Variants in SYP observed in about 807,000 individuals in gnomAD.
The protein encoded by SYP is major synaptic vesicle protein P38.
SYP carries 2 observed loss-of-function variants against 24.3 expected under a neutral mutation model. That is an observed-to-expected ratio of 0.08 (90% CI 0.03 to 0.26). SYP has a LOEUF of 0.26. Ranked by LOEUF, SYP falls within the 10% of genes least tolerant of loss-of-function variation. The probability of loss-of-function intolerance (pLI) is 1.00; values close to 1 mark genes in which losing one functional copy is unlikely to be tolerated. For synonymous variants in SYP, 143 were observed against 123.2 expected (o/e 1.16, Z -1.07); for missense variants, 216 against 266.3 (o/e 0.81, Z 1.32).
intron 3 of SYP, chrX:49,197,269 CA>C (rs2065531941): frequency 7.7e-6 from 1 of 130,544 alleles, no homozygotes; most frequent in Non-Finnish European, 1.5e-5. Flanking sequence ...AGGCGTGAGC[CA>C]CTGTGCCTGG....
At chrX:49,189,943 G>C (rs1435259823) in intron 6 of SYP, among the ~76,000 whole-genome samples, 1 of 111,586 alleles carries the variant, frequency 9.0e-6, no homozygotes, top group Non-Finnish European at 1.9e-5. Context: ...GTCTGGGAGA[G>C]ATGACAGTGG....
Position 49,193,336 on chromosome X carries a change from C to T in SYP, c.551G>A (p.Arg184His), listed in dbSNP as rs150959416. ...ENIIKEMPVC[R>H]QTGNTCKELR... ...CTCCTTGCATGTGTTCCCTGTCTGG[C>T]GGCAGACAGGCATCTCCTTGATAAT... is the stretch of plus-strand genomic sequence containing the variant. The change falls in exon 5 of 7, where the codon CGC becomes CAC. Residue 184 changes from arginine (R) to histidine (H), a missense_variant. Transcript: ENST00000263233. 1.9e-5 allele frequency: 23 copies of T among 1,210,904 alleles called. No individual in the cohort carries two copies. The highest frequency in any genetic ancestry group is 4.4e-5 in the Admixed American group (2 of 45,961).
chrX:49,199,243 G>A (rs2065540750), intron 1 of SYP: 1 of 446,542 alleles, frequency 2.2e-6, no homozygotes, highest in African/African-American at 2.5e-5. Context: ...GATGGCAGAG[G>A]AAGTCGGGGG....
chrX:49,199,893 G>C (rs1276240587), intron 1 of SYP, among the ~76,000 whole-genome samples: 1 of 110,473 alleles, frequency 9.1e-6, no homozygotes, highest in Non-Finnish European at 1.9e-5. Context: ...CTCCCCTCGC[G>C]GTCGCCAGTA....
At chrX:49,198,883 C>G in intron 2 of SYP, 85 bp downstream of exon 2, 1 of 1,065,915 alleles carries the variant, frequency 9.4e-7, no homozygotes, top group Non-Finnish European at 1.3e-6. Context: ...CCTGGCTACT[C>G]GCCCCTACTC....
intron 5 of SYP, among the ~76,000 whole-genome samples, chrX:49,192,107 ATTAAAT>A (rs1167818455): frequency 2.6e-5 from 3 of 113,216 alleles, no homozygotes; most frequent in African/African-American, 9.6e-5. Context: ...ATACAAACTT[ATTAAAT>A]ATAGCTATAC....
chrX:49,198,232 G>C (rs1263482751), intron 2 of SYP: 1 of 211,007 alleles, frequency 4.7e-6, no homozygotes, highest in African/African-American at 3.0e-5. Context: ...CTGATCTGTC[G>C]ATGTCTCTTT....
chrX:49,197,043 C>T (rs1251562596), intron 3 of SYP: 1 of 107,467 alleles, frequency 9.3e-6, no homozygotes, highest in Non-Finnish European at 1.9e-5. Context: ...TCTTGTTGCC[C>T]AGGCTGGAGT....
Position 49,191,676 on chromosome X carries a change from C to T in SYP, c.703G>A (p.Ala235Thr), listed in dbSNP as rs782484176. The T allele has an allele frequency of 8.3e-7, 1 of 1,205,793 alleles. No individual in the cohort carries two copies. The highest frequency in any genetic ancestry group is 1.1e-6 in the Non-Finnish European group (1 of 892,618). The change falls in exon 6 of 7, where the codon GCG (alanine) becomes ACG (threonine). Residue 235 changes from alanine (A) to threonine (T), a missense_variant. Physicochemically the swap from Ala to Thr is moderately conservative, Grantham distance 58. This residue lies in a region of SYP where 114 missense variants were observed against 107.9 expected (regional missense o/e 1.06). Coordinates refer to ENST00000263233, the MANE Select transcript of SYP (RefSeq NM_003179.3). ...TGTTTCTCGGGGGCGCCGGGAGGCGCGCGCAGGAACGGGGCGGCCCAGCCT... is the reference window on the plus strand; with the variant it reads ...TGTTTCTCGGGGGCGCCGGGAGGCGTGCGCAGGAACGGGGCGGCCCAGCCT... ...ETGWAAPFLR[A>T]PPGAPEKQPA...
Position 49,197,959 on chromosome X carries a change from C to T in SYP, c.103-120G>A. 6.1e-6 allele frequency: 6 copies of T among 979,611 alleles called. 1 individual carries two copies. The South Asian group carries it at 1.2e-4, about 20-fold the overall frequency. The allele number at this position is 979,611 out of a possible 1,213,427, so 80.7% of individuals were successfully genotyped here. A position where few individuals can be genotyped will look rare whatever the true frequency, so the allele number is the denominator to read the frequency against. ...AGCAGCAGATGGAGCAGTCCCCACC[C>T]CCACCCCCTAATCAGGGCTCATCGG... On this transcript the variant is annotated intron_variant, in intron 2 of 6. Transcript: ENST00000263233.
Position 49,191,416 on chromosome X carries a change from G to A in SYP, c.*4+17C>T. ...TCCTTGTACCCTCCTTGGCCGCACC[G>A]CTCGCCGGTCACTCACCAGACTACA... On this transcript the variant is annotated intron_variant, in intron 6 of 6. Coordinates refer to ENST00000263233, the MANE Select transcript of SYP (RefSeq NM_003179.3). 5 of 1,207,022 alleles carry A rather than the reference G, an allele frequency of 4.1e-6. No homozygotes were observed. The highest frequency in any genetic ancestry group is 2.2e-5 in the Admixed American group (1 of 45,756).
At chrX:49,191,858 C>T in intron 5 of SYP, 95 bp from the exon 6 acceptor site, 2 of 982,736 alleles carry the variant, frequency 2.0e-6, no homozygotes, top group African/African-American at 1.9e-5. Context: ...TCCGTAGGCT[C>T]CGCAAGGTGG....
Position 49,197,849 on chromosome X carries a change from C to T in SYP, c.103-10G>A. 1 of 1,209,463 alleles carries T rather than the reference C, an allele frequency of 8.3e-7. No homozygotes were observed. The highest frequency in any genetic ancestry group is 1.1e-6 in the Non-Finnish European group (1 of 894,412). On this transcript the variant is annotated splice_polypyrimidine_tract_variant and intron_variant, in intron 2 of 6. Transcript: ENST00000263233. ...CGAAGATGGCGAAGACCTTGGGCAGCAGGGATGGGGATGGCCACAGTGAAC... is the reference window on the plus strand; with the variant it reads ...CGAAGATGGCGAAGACCTTGGGCAGTAGGGATGGGGATGGCCACAGTGAAC...
At position 49,194,379 on chromosome X, in the gene SYP, C is replaced by T; in HGVS notation, c.228-18G>A. 8.3e-7 allele frequency: 1 copy of T among 1,207,485 alleles called. No homozygotes were observed. Among genetic ancestry groups the T allele is most frequent in the Non-Finnish European group, 1.1e-6 (1 of 893,148 alleles). ...GGTGCAGCCTGCAAACAGAGGTGGG[C>T]AGGTGTGGCCCAGCCCCTCAGAACA... On this transcript the variant is annotated intron_variant, in intron 3 of 6. Coordinates refer to ENST00000263233, the MANE Select transcript of SYP (RefSeq NM_003179.3).
intron 3 of SYP, among the ~76,000 whole-genome samples, chrX:49,196,536 C>G (rs2065528765): frequency 8.9e-6 from 1 of 112,232 alleles, no homozygotes; most frequent in Non-Finnish European, 1.9e-5. Flanking sequence ...TGCTAAGCAC[C>G]TGATGAATAT....
chrX:49,198,093 C>T, intron 2 of SYP: 2 of 400,190 alleles, frequency 5.0e-6, no homozygotes, highest in Middle Eastern at 6.9e-4. Flanking sequence ...CTCTGTTTGT[C>T]TCTGTTGTTC....
At chrX:49,199,855 C>A (rs1238967259) in intron 1 of SYP, among the ~76,000 whole-genome samples, 1 of 110,283 alleles carries the variant, frequency 9.1e-6, no homozygotes, top group African/African-American at 3.3e-5. Flanking sequence ...TGTCCCTTGC[C>A]CTCACTCCAG....
Position 49,191,766 on chromosome X carries a change from G to A in SYP, c.616-3C>T. ...ACCAGGTTCAGGAAGCCGAACACCT[G>A]CAGGGAGACAAGGCTCGGCTGTGGT... On this transcript the variant is annotated splice_polypyrimidine_tract_variant and splice_region_variant and intron_variant, in intron 5 of 6. Transcript: ENST00000263233. 1 of 1,202,743 alleles carries A rather than the reference G, an allele frequency of 8.3e-7. No homozygotes were observed. The highest frequency in any genetic ancestry group is 1.1e-6 in the Non-Finnish European group (1 of 890,508).
intron 2 of SYP, 47 bp downstream of exon 2, chrX:49,198,921 C>T (rs1557103635): frequency 1.0e-5 from 12 of 1,195,685 alleles, no homozygotes; most frequent in Non-Finnish European, 1.2e-5. Flanking sequence ...ACCCCATGAC[C>T]TCCCTCTCTC....
Sources: gnomAD v4.1 joint callset for allele counts (sites outside exome capture counted in the v4.1 genomes callset) on GRCh38, gnomAD v4.1.1 for gene constraint, gnomAD v4.1.1 regional missense constraint, MANE v1.5 for transcripts, NCBI Gene and HGNC (gene_info 2026-07-23, HGNC 2026-07-21) for gene names.